The following RGS6 variants were observed in gnomAD, a reference collection of about 807,000 sequenced individuals.
The protein encoded by RGS6 is regulator of G-protein signaling 6.
Under a neutral mutation model 78.5 loss-of-function variants are expected in RGS6, and 30 were observed. The observed-to-expected ratio is 0.38, with a 90% CI of 0.29 to 0.52. RGS6 has a LOEUF of 0.52. Ranked by LOEUF, RGS6 falls within the 20% of genes least tolerant of loss-of-function variation. RGS6 has a pLI of 0.85. For synonymous variants in RGS6, 206 were observed against 206.0 expected (o/e 1.00, Z 0.00); for missense variants, 495 against 609.7 (o/e 0.81, Z 1.98).
chr14:72,142,489 TC>T (rs1567299156), intron 2 of RGS6, among the ~76,000 whole-genome samples: 1 of 152,164 alleles, frequency 6.6e-6, no homozygotes, highest in East Asian at 1.9e-4. Flanking sequence ...TCAGAGGAAG[TC>T]CCAAGGGGCC....
intron 3 of RGS6, among the ~76,000 whole-genome samples, chr14:72,358,594 C>T (rs900219087): frequency 1.3e-5 from 2 of 152,144 alleles, no homozygotes; most frequent in Non-Finnish European, 2.9e-5. Context: ...GCCTGTAGCC[C>T]CTTTGTTTTG....
intron 2 of RGS6, among the ~76,000 whole-genome samples, chr14:72,349,528 G>C (rs546379981): frequency 6.6e-6 from 1 of 152,172 alleles, no homozygotes; most frequent in Non-Finnish European, 1.5e-5. Context: ...GTCAGGAACT[G>C]GGGGGCAATA....
intron 3 of RGS6, among the ~76,000 whole-genome samples, chr14:72,429,495 T>C (rs542074249): frequency 2.6e-5 from 4 of 151,568 alleles, no homozygotes; most frequent in African/African-American, 9.7e-5. Context: ...TGAAGGAGAG[T>C]AGAGGAGAGG....
At chr14:72,072,751 T>C (rs1344034048) in intron 2 of RGS6, among the ~76,000 whole-genome samples, 4 of 152,238 alleles carry the variant, frequency 2.6e-5, no homozygotes, top group African/African-American at 9.6e-5. Context: ...AATATATGTC[T>C]TACGGATTAA....
the RGS6 span, among the ~76,000 whole-genome samples, chr14:72,577,694 G>A: frequency 3.3e-5 from 5 of 152,176 alleles, no homozygotes; most frequent in South Asian, 4.1e-4. Context: ...TCAAGACTGC[G>A]TGGTGACTTC....
chr14:72,187,742 G>T (rs2097266285), intron 2 of RGS6, among the ~76,000 whole-genome samples: 1 of 152,092 alleles, frequency 6.6e-6, no homozygotes, highest in South Asian at 2.1e-4. Flanking sequence ...TTCAGAATAT[G>T]TGAAATGGGG....
At chr14:72,354,909 T>C (rs1038980148) in intron 3 of RGS6, among the ~76,000 whole-genome samples, 11 of 152,086 alleles carry the variant, frequency 7.2e-5, no homozygotes, top group Admixed American at 7.2e-4. Flanking sequence ...TAATATACAG[T>C]ATAATATAGA....
intron 3 of RGS6, among the ~76,000 whole-genome samples, chr14:72,354,336 A>G (rs56326625): frequency 0.12 from 18,098 of 151,938 alleles, 1,085 homozygotes; most frequent in East Asian, 0.18. Flanking sequence ...AAAGAAAGCT[A>G]GATAGGGGGC....
intron 2 of RGS6, among the ~76,000 whole-genome samples, chr14:72,329,542 C>G (rs1262013729): frequency 2.0e-5 from 3 of 152,264 alleles, no homozygotes; most frequent in Admixed American, 1.3e-4. Context: ...CTGGCATTGT[C>G]TGTCCAGTAA....
rs114894832 is a variant in RGS6, at chr14:72,224,173, C to T, written c.85-127922C>T. ...GTGTCTTACTCCTGTAATCCCAACA[C>T]GTTGGGAGGCCAAGGTGGGCAGATT... On this transcript the variant is annotated intron_variant, in intron 2 of 17. Coordinates refer to ENST00000553525, the MANE Select transcript of RGS6 (RefSeq NM_001204424.2). 5.2e-3 allele frequency among the ~76,000 whole-genome samples: 790 copies of T among 152,254 alleles called. 8 individuals carry two copies. The highest frequency in any genetic ancestry group is 0.018 in the African/African-American group (757 of 41,542).
chr14:72,010,060 A>G (rs997291402), intron 2 of RGS6, among the ~76,000 whole-genome samples: 1 of 152,212 alleles, frequency 6.6e-6, no homozygotes, highest in Non-Finnish European at 1.5e-5. Context: ...ATCCATGGGT[A>G]TAAGAATTAG....
chr14:72,276,702 T>C (rs1368388041), intron 2 of RGS6, among the ~76,000 whole-genome samples: 1 of 152,188 alleles, frequency 6.6e-6, no homozygotes, highest in East Asian at 1.9e-4. Context: ...CTCATTTTCC[T>C]TCTTGCCTAT....
intron 2 of RGS6, among the ~76,000 whole-genome samples, chr14:72,279,250 C>T (rs1043129666): frequency 1.3e-5 from 2 of 151,886 alleles, no homozygotes; most frequent in African/African-American, 2.4e-5. Flanking sequence ...TGCCTCTGAC[C>T]TTGATGTATG....
At chr14:72,426,631 CTCTG>C (rs2094444462) in intron 3 of RGS6, among the ~76,000 whole-genome samples, 1 of 152,226 alleles carries the variant, frequency 6.6e-6, no homozygotes, top group South Asian at 2.1e-4. Flanking sequence ...GAATCCCTTG[CTCTG>C]TCTACTTCAG....
At chr14:72,263,087 G>A (rs1482500684) in intron 2 of RGS6, among the ~76,000 whole-genome samples, 1 of 152,184 alleles carries the variant, frequency 6.6e-6, no homozygotes, top group African/African-American at 2.4e-5. Flanking sequence ...GTGGTTATGG[G>A]CTGGCATTCC....
At chr14:72,263,909 T>C (rs2058600808) in intron 2 of RGS6, among the ~76,000 whole-genome samples, 1 of 152,226 alleles carries the variant, frequency 6.6e-6, no homozygotes, top group Non-Finnish European at 1.5e-5. Flanking sequence ...ATCTCTTGCC[T>C]GAAATTCTTG....
At chr14:72,116,217 C>T (rs2095880733) in intron 2 of RGS6, among the ~76,000 whole-genome samples, 1 of 152,026 alleles carries the variant, frequency 6.6e-6, no homozygotes, top group Non-Finnish European at 1.5e-5. Context: ...CCAGACAGTC[C>T]TCATCAGTGC....
Position 72,344,906 on chromosome 14 carries a change from C to T in RGS6, c.85-7189C>T, listed in dbSNP as rs79029319. On this transcript the variant is annotated intron_variant, in intron 2 of 17. Coordinates refer to ENST00000553525, the MANE Select transcript of RGS6 (RefSeq NM_001204424.2). ...TCAGGGCCTGCCCAACCATCCTTTA[C>T]GAGTGTTGTTTAACGCAAGGTCTCG... 1.0e-2 allele frequency among the ~76,000 whole-genome samples: 1,515 copies of T among 152,256 alleles called. 26 individuals carry two copies. Among genetic ancestry groups the T allele is most frequent in the African/African-American group, 0.034 (1,426 of 41,526 alleles).
intron 2 of RGS6, among the ~76,000 whole-genome samples, chr14:71,981,640 C>A (rs546244295): frequency 6.6e-6 from 1 of 151,636 alleles, no homozygotes; most frequent in Non-Finnish European, 1.5e-5. Context: ...GCAGTCTGCC[C>A]GTTCTCAGAT....
Sources: gnomAD v4.1 joint callset for allele counts (sites outside exome capture counted in the v4.1 genomes callset) on GRCh38, gnomAD v4.1.1 for gene constraint, MANE v1.5 for transcripts, NCBI Gene and HGNC (gene_info 2026-07-23, HGNC 2026-07-21) for gene names.